Variants in CCDC187 observed in about 807,000 individuals in gnomAD.
CCDC187 encodes coiled-coil domain containing 187.
A neutral mutation model predicts 38.0 loss-of-function variants in CCDC187; 32 were observed. The ratio of observed to expected loss-of-function variants is 0.84; its 90% CI spans 0.64 to 1.13. The LOEUF (loss-of-function observed/expected upper bound fraction) is 1.13, where lower values mean the gene tolerates loss of function less well. Among genes scored for constraint, CCDC187 ranks in the 50% most tolerant of loss-of-function variants. CCDC187 has a pLI of 0.00. For synonymous variants in CCDC187, 333 were observed against 347.9 expected (o/e 0.96, Z 0.48); for missense variants, 707 against 786.8 (o/e 0.90, Z 1.21).
At chr9:136,305,491 GCCCC>G (rs1318969816), upstream of CCDC187, among the ~76,000 whole-genome samples, 1 of 152,160 alleles carries the variant, frequency 6.6e-6, no homozygotes, top group African/African-American at 2.4e-5. Flanking sequence ...CACAGGCCTG[GCCCC>G]CCTGCTGACG....
In CCDC187 at chr9:136,258,522, A is replaced by G. The variant is rs1830642213; in HGVS notation, c.4366+410T>C. Among the ~76,000 whole-genome samples the G allele has an allele frequency of 6.6e-6, 1 of 151,834 alleles. No individual in the cohort carries two copies. Among genetic ancestry groups the G allele is most frequent in the African/African-American group, 2.4e-5 (1 of 41,380 alleles). ...TGCATCTGCTCCCGCCCCACCTGCA[A>G]ATTGGGGACTTGGCTCTCGGGGGGG... On this transcript the variant is annotated intron_variant, in intron 22 of 25. Coordinates refer to ENST00000638797, the MANE Select transcript of CCDC187 (RefSeq NM_001378188.1). The surrounding 1 kb of genome is among the most constrained non-coding windows in gnomAD (Gnocchi z 4.3).
chr9:136,301,647 C>T (rs925244055), intron 2 of CCDC187, among the ~76,000 whole-genome samples: 14 of 138,588 alleles, frequency 1.0e-4, no homozygotes, highest in African/African-American at 2.7e-4. Flanking sequence ...AGTGCAGTGG[C>T]GCAATCTCGA....
chr9:136,291,339 T>C lies in CCDC187; in HGVS notation c.1274A>G (p.Lys425Arg), dbSNP rs910439392. 1,198 of 398,822 alleles carry C rather than the reference T, an allele frequency of 3.0e-3. 2 individuals carry two copies. The highest frequency in any genetic ancestry group is 4.1e-3 in the Non-Finnish European group (928 of 226,194). 24.7% of individuals were successfully genotyped at this position (398,822 alleles called of 1,614,324 possible). ...RDPNAQSSFS[K>R]SPWAMTERKH... ...CCTCTCTGTCATGGCCCAGGGACTCTTAGAGAAGGAGCTCTGGGCATTGGG... is the reference window on the plus strand; with the variant it reads ...CCTCTCTGTCATGGCCCAGGGACTCCTAGAGAAGGAGCTCTGGGCATTGGG... The change falls in exon 6 of 26, where the codon AAG becomes AGG. Residue 425 changes from lysine to arginine, a missense_variant. Physicochemically the swap from Lys to Arg is conservative, Grantham distance 26. Coordinates refer to ENST00000638797, the MANE Select transcript of CCDC187 (RefSeq NM_001378188.1).
rs1364831753 is a variant in CCDC187, at chr9:136,252,702, C to A, written c.*892G>T. Reference sequence around the variant, plus strand: ...TGCACCTCTGTAGTTCCAGAAAACACTCCCTAGGGGCTGCACCTGGGGGCC... The same window carrying A: ...TGCACCTCTGTAGTTCCAGAAAACAATCCCTAGGGGCTGCACCTGGGGGCC... On this transcript the variant is annotated 3_prime_UTR_variant, in exon 26 of 26. Transcript: ENST00000638797. 6.5e-6 allele frequency: 1 copy of A among 153,826 alleles called. No individual in the cohort carries two copies. The highest frequency in any genetic ancestry group is 6.5e-5 in the Admixed American group (1 of 15,298). 9.5% of individuals were successfully genotyped at this position (153,826 alleles called of 1,614,324 possible).
chr9:136,293,232 CACGCTCACACTCACAT>C (rs1831391346), intron 4 of CCDC187, among the ~76,000 whole-genome samples: 158 of 149,670 alleles, frequency 1.1e-3, no homozygotes, highest in Non-Finnish European at 1.6e-3. Flanking sequence ...CTCACACTCA[CACGCTCACACTCACAT>C]GCTTACACAC....
chr9:136,270,952 C>A (rs1830829913), intron 14 of CCDC187, among the ~76,000 whole-genome samples: 1 of 152,172 alleles, frequency 6.6e-6, no homozygotes, highest in Admixed American at 6.5e-5. Context: ...AATGTTTATC[C>A]TAATGATTGA....
At position 136,263,603 on chromosome 9, in the gene CCDC187, C is replaced by T; in HGVS notation, c.3912+19G>A. 2 of 985,400 alleles carry T rather than the reference C, an allele frequency of 2.0e-6. No homozygotes were observed. Among genetic ancestry groups the T allele is most frequent in the Non-Finnish European group, 2.4e-6 (2 of 829,894 alleles). 61.0% of individuals were successfully genotyped at this position (985,400 alleles called of 1,614,324 possible). On this transcript the variant is annotated intron_variant, in intron 18 of 25. Coordinates refer to ENST00000638797, the MANE Select transcript of CCDC187 (RefSeq NM_001378188.1). ...CAGCATTTCTGCAGCTGAGTCCCAG[C>T]CCAGGCGAGAGCACCCACCTGCTGC... is the stretch of plus-strand genomic sequence containing the variant.
chr9:136,286,283 TGGG>T lies in CCDC187; in HGVS notation c.2632_2634del (p.Pro878del). 5.0e-6 allele frequency: 2 copies of T among 398,400 alleles called. No individual in the cohort carries two copies. Among genetic ancestry groups the T allele is most frequent in the Non-Finnish European group, 8.8e-6 (2 of 226,014 alleles). The allele number at this position is 398,400 out of a possible 1,614,324, so 24.7% of individuals were successfully genotyped here. A position where few individuals can be genotyped will look rare whatever the true frequency, so the allele number is the denominator to read the frequency against. ...CCAGGGCAGGCTGGGGTGGCAAGCG[TGGG>T]GGTGGCGAGCGTGGGGGCGGCAGGT... On this transcript the variant is annotated inframe_deletion, in exon 8 of 26. Coordinates refer to ENST00000638797, the MANE Select transcript of CCDC187 (RefSeq NM_001378188.1).
rs1830546249 is a variant in CCDC187, at chr9:136,251,981, CGG to C, written c.*1611_*1612del. 1.0e-5 allele frequency: 1 copy of C among 98,250 alleles called. No homozygotes were observed. Among genetic ancestry groups the C allele is most frequent in the Non-Finnish European group, 2.5e-5 (1 of 40,572 alleles). 6.1% of individuals were successfully genotyped at this position (98,250 alleles called of 1,614,324 possible). On this transcript the variant is annotated 3_prime_UTR_variant, in exon 26 of 26. Transcript: ENST00000638797. The stretch of plus-strand genomic sequence containing the variant: ...CGGGAAGGTCCAGGCGACCGTCCCG[CGG>C]AGCCGGCCGCCCACCTGGTCCACCC...
At chr9:136,283,991 A>C (rs1831110213) in intron 9 of CCDC187, among the ~76,000 whole-genome samples, 1 of 152,168 alleles carries the variant, frequency 6.6e-6, no homozygotes, top group Non-Finnish European at 1.5e-5. Flanking sequence ...CACAACCCAA[A>C]GGCCCTGGCG....
At chr9:136,299,761 C>A (rs1449023763) in intron 3 of CCDC187, among the ~76,000 whole-genome samples, 1 of 152,208 alleles carries the variant, frequency 6.6e-6, no homozygotes, top group African/African-American at 2.4e-5. Context: ...GGCCTGGGAG[C>A]CCGCCAACGG....
intron 21 of CCDC187, 79 bp from the exon 22 acceptor site, chr9:136,259,080 A>G: frequency 1.1e-6 from 1 of 942,686 alleles, no homozygotes; most frequent in Non-Finnish European, 1.3e-6. Flanking sequence ...ACCAGGATGG[A>G]TGGGGACAGA....
intron 20 of CCDC187, among the ~76,000 whole-genome samples, 176 bp downstream of exon 20, chr9:136,259,943 C>T (rs535136799): frequency 1.3e-5 from 2 of 152,330 alleles, no homozygotes; most frequent in African/African-American, 4.8e-5. Flanking sequence ...CCACTGTGTG[C>T]TCTGCTGTGC....
At chr9:136,300,870 G>A (rs1488886419) in intron 2 of CCDC187, among the ~76,000 whole-genome samples, 3 of 152,202 alleles carry the variant, frequency 2.0e-5, no homozygotes, top group Non-Finnish European at 2.9e-5. Context: ...CAAAGTGCTG[G>A]GATTACAGGC....
chr9:136,300,250 G>C lies in CCDC187; in HGVS notation c.694C>G (p.Leu232Val), dbSNP rs1337789938. 2.5e-6 allele frequency: 1 copy of C among 398,598 alleles called. No individual in the cohort carries two copies. The highest frequency in any genetic ancestry group is 2.1e-5 in the African/African-American group (1 of 48,656). The allele number at this position is 398,598 out of a possible 1,614,324, so 24.7% of individuals were successfully genotyped here. Reference protein sequence around the residue: ...AKASHGQGRELSRVSQHQVPV... With the variant: ...AKASHGQGREVSRVSQHQVPV... ...ACCTGGTGCTGGGAGACCCTGGAGA[G>C]CTCGCGCCCCTGGCCGTGGGATGCC... Residue 232 changes from leucine to valine, a missense_variant, in exon 3 of 26, where the codon CTC (leucine) becomes GTC (valine). Coordinates refer to ENST00000638797, the MANE Select transcript of CCDC187 (RefSeq NM_001378188.1).
At chr9:136,256,683 G>A (rs1588648866) in intron 23 of CCDC187, 22 bp downstream of exon 23, 1 of 152,262 alleles carries the variant, frequency 6.6e-6, no homozygotes, top group Admixed American at 6.5e-5. Context: ...CCACAGGAAG[G>A]GCACGGCCAC....
intron 24 of CCDC187, among the ~76,000 whole-genome samples, 194 bp from the exon 25 acceptor site, chr9:136,255,927 G>A (rs1415643632): frequency 6.6e-6 from 1 of 152,212 alleles, no homozygotes; most frequent in Non-Finnish European, 1.5e-5. Flanking sequence ...GGGGCATCCA[G>A]TCTCAATCCC....
rs1830707166 is a variant in CCDC187, at chr9:136,263,682, G to T, written c.3852C>A (p.Ile1284=). Residue 1284 remains isoleucine, a synonymous_variant, in exon 18 of 26, where the codon ATC becomes ATA. Transcript: ENST00000638797. ...CTGGGACGACGTCCGTGGGCCCCGG[G>T]ATGGGGAGGATGTCCACAGGCCCCG... The part of the protein sequence containing the change: ...SMPGPVDILP[I]PGPTDVVPAH... The T allele has an allele frequency of 3.0e-6, 3 of 985,456 alleles. No individual in the cohort carries two copies. The highest frequency in any genetic ancestry group is 9.4e-5 in the South Asian group (2 of 21,290). 61.0% of individuals were successfully genotyped at this position (985,456 alleles called of 1,614,324 possible).
chr9:136,254,909 A>G lies in CCDC187; in HGVS notation c.4919T>C (p.Ile1640Thr), dbSNP rs1178245755. Residue 1640 changes from isoleucine to threonine, a missense_variant, in exon 26 of 26, where the codon ATC becomes ACC. Coordinates refer to ENST00000638797, the MANE Select transcript of CCDC187 (RefSeq NM_001378188.1). Reference protein sequence around the residue: ...WEFQKAAATLIQLSGSSSSLP... With the variant: ...WEFQKAAATLTQLSGSSSSLP... ...AGAGCTGGAGCTCCCAGAAAGCTGG[A>G]TCAGGGTAGCCGCTGCTTTCTGGAA... 8 of 985,508 alleles carry G rather than the reference A, an allele frequency of 8.1e-6. No homozygotes were observed. The East Asian group carries it at 7.9e-4, about 98-fold the overall frequency. The allele number at this position is 985,508 out of a possible 1,614,324, so 61.0% of individuals were successfully genotyped here. A position where few individuals can be genotyped will look rare whatever the true frequency, so the allele number is the denominator to read the frequency against.
Sources: gnomAD v4.1 joint callset for allele counts (sites outside exome capture counted in the v4.1 genomes callset) on GRCh38, gnomAD v4.1.1 for gene constraint, Gnocchi (gnomAD v3.1) non-coding constraint, MANE v1.5 for transcripts, NCBI Gene and HGNC (gene_info 2026-07-23, HGNC 2026-07-21) for gene names.